Variants in MMP26 observed in about 807,000 individuals in gnomAD.
MMP26 encodes the protein matrix metallopeptidase 26, also known as matrix metalloproteinase-26.
Under a neutral mutation model 31.0 loss-of-function variants are expected in MMP26, and 33 were observed. The observed-to-expected ratio is 1.06, with a 90% confidence interval of 0.81 to 1.42. MMP26 has a LOEUF of 1.42. Ranked by LOEUF, MMP26 falls within the 40% of genes most tolerant of loss-of-function variation. The pLI is 0.00. For synonymous variants in MMP26, 122 were observed against 114.9 expected, an observed-to-expected ratio of 1.06 and a Z score of -0.40; for missense variants, 347 against 316.1, an observed-to-expected ratio of 1.10 and a Z score of -0.74.
chr11:4,921,949 G>A (rs904113932), intron 2 of MMP26, among the ~76,000 whole-genome samples: 6 of 152,250 alleles, frequency 3.9e-5, no homozygotes, highest in African/African-American at 1.2e-4. Context: ...ACCATCACCT[G>A]AGTAATGTGT....
intron 2 of MMP26, chr11:4,849,375 G>A (rs182808420): frequency 3.1e-5 from 20 of 651,486 alleles, no homozygotes; most frequent in East Asian, 5.4e-5. Flanking sequence ...CCCTGTGCAC[G>A]CACCCATCCT....
At chr11:4,908,642 C>T (rs1850944517) in intron 2 of MMP26, 1 of 359,412 alleles carries the variant, frequency 2.8e-6, no homozygotes, top group Non-Finnish European at 5.2e-6. Context: ...ATTAAAAATA[C>T]AGATGATATA....
intron 2 of MMP26, chr11:4,907,369 T>C: frequency 6.2e-7 from 1 of 1,601,268 alleles, no homozygotes; most frequent in Admixed American, 1.7e-5. Context: ...TCTCCCTCAT[T>C]ATGTCTGTTC....
chr11:4,730,351 A>G (rs1283347652), intron 1 of MMP26, among the ~76,000 whole-genome samples: 1 of 151,626 alleles, frequency 6.6e-6, no homozygotes, highest in East Asian at 1.9e-4. Flanking sequence ...CAGGATGCAG[A>G]GAAAGAATTT....
intron 1 of MMP26, among the ~76,000 whole-genome samples, chr11:4,743,024 C>T (rs1313532443): frequency 6.6e-6 from 1 of 152,012 alleles, no homozygotes; most frequent in East Asian, 1.9e-4. Flanking sequence ...TTAAAAGCTC[C>T]ATTATGCTAC....
chr11:4,904,435 A>C (rs1850852218), intron 2 of MMP26, among the ~76,000 whole-genome samples: 1 of 152,076 alleles, frequency 6.6e-6, no homozygotes, highest in Non-Finnish European at 1.5e-5. Context: ...CATCTACTAT[A>C]TTCCACCTCT....
At chr11:4,946,046 T>C (rs1846294148) in intron 2 of MMP26, 1 of 739,538 alleles carries the variant, frequency 1.4e-6, no homozygotes, top group Non-Finnish European at 2.0e-6. Context: ...AAAATAACTC[T>C]ATGACAACAA....
At chr11:4,946,642 C>G (rs745850756) in intron 2 of MMP26, 1 of 1,586,908 alleles carries the variant, frequency 6.3e-7, no homozygotes, top group Non-Finnish European at 8.6e-7. Flanking sequence ...GGAGCATGCT[C>G]TTAAAGGAGA....
intron 3 of MMP26, among the ~76,000 whole-genome samples, chr11:4,989,421 A>T (rs1383078049): frequency 6.6e-6 from 1 of 152,090 alleles, no homozygotes; most frequent in African/African-American, 2.4e-5. Context: ...AAAAAATGTT[A>T]TAGTTTATCC....
At chr11:4,743,852 C>T (rs1848345695) in intron 1 of MMP26, among the ~76,000 whole-genome samples, 1 of 152,154 alleles carries the variant, frequency 6.6e-6, no homozygotes, top group Admixed American at 6.5e-5. Flanking sequence ...GTCATCTAGG[C>T]TGGAGTGTAT....
chr11:4,966,007 C>T (rs932848008), intron 2 of MMP26, among the ~76,000 whole-genome samples: 4 of 152,006 alleles, frequency 2.6e-5, no homozygotes, highest in Non-Finnish European at 4.4e-5. Flanking sequence ...CCATGATTTG[C>T]CTTTTTATAA....
chr11:4,808,303 G>C (rs1849304966), intron 2 of MMP26, among the ~76,000 whole-genome samples: 1 of 152,076 alleles, frequency 6.6e-6, no homozygotes, highest in Admixed American at 6.6e-5. Context: ...TGCCCAGGTT[G>C]GGGAAAGCAG....
chr11:4,737,138 G>A (rs1848251753), intron 1 of MMP26: 1 of 152,174 alleles, frequency 6.6e-6, no homozygotes, highest in South Asian at 2.1e-4. Flanking sequence ...TGCAATAAAT[G>A]TCCTAGAATG....
At chr11:4,771,637 G>A (rs1848722221) in intron 2 of MMP26, among the ~76,000 whole-genome samples, 1 of 152,140 alleles carries the variant, frequency 6.6e-6, no homozygotes, top group South Asian at 2.1e-4. Context: ...TATAATGTTA[G>A]TATTTTTCAA....
chr11:4,723,102 G>C, intron 1 of MMP26: 2 of 1,514,782 alleles, frequency 1.3e-6, no homozygotes, highest in Non-Finnish European at 1.8e-6. Context: ...TGCTTGGCCC[G>C]CTGCAGGGCG....
At position 4,989,845 on chromosome 11, in the gene MMP26, G is replaced by C. The variant is rs756681005; in HGVS notation, c.297G>C (p.Trp99Cys). Residue 99 changes from tryptophan to cysteine, a missense_variant, in exon 4 of 8, where the codon TGG becomes TGC. Coordinates refer to ENST00000380390, the MANE Select transcript of MMP26 (RefSeq NM_021801.5). ...DTSISPGRCK[W>C]NKHTLTYRII... ...CCATCTCGCCAGGAAGATGCAAGTG[G>C]AATAAGCACACTCTAACTTACAGGT... 141 of 1,610,236 alleles carry C rather than the reference G, an allele frequency of 8.8e-5. No homozygotes were observed. The highest frequency in any genetic ancestry group is 1.2e-4 in the Non-Finnish European group (138 of 1,179,980).
intron 2 of MMP26, chr11:4,908,035 G>A: frequency 6.2e-7 from 1 of 1,614,108 alleles, no homozygotes; most frequent in Non-Finnish European, 8.5e-7. Flanking sequence ...TGATCTTGAA[G>A]ACTATACTCA....
chr11:4,899,326 A>C lies in MMP26; in HGVS notation c.-144-88742A>C, dbSNP rs555081601. Among the ~76,000 whole-genome samples, 4 of 152,298 alleles carry C rather than the reference A, an allele frequency of 2.6e-5. No homozygotes were observed. In the South Asian group the frequency reaches 8.3e-4, roughly 32 times the overall value. On this transcript the variant is annotated intron_variant, in intron 2 of 7. Transcript: ENST00000380390. ...GTTTGTGTTGTCTATTTGCCCAAGA[A>C]GAAGACACGATCATGAAAAGTTTGT... is the stretch of plus-strand genomic sequence containing the variant.
chr11:4,882,500 G>A lies in MMP26; in HGVS notation c.-144-105568G>A, dbSNP rs1327937246. 9 of 1,613,504 alleles carry A rather than the reference G, an allele frequency of 5.6e-6. No homozygotes were observed. In the African/African-American group the frequency reaches 1.2e-4, roughly 22 times the overall value. ...CAAACCTTGGATCAGCAGTTTTTGG[G>A]GACTGTTTCTTCAGCTCTACCTGAA... On this transcript the variant is annotated intron_variant, in intron 2 of 7. Transcript: ENST00000380390.
Sources: gnomAD v4.1 joint callset for allele counts (sites outside exome capture counted in the v4.1 genomes callset) on GRCh38, gnomAD v4.1.1 for gene constraint, MANE v1.5 for transcripts, NCBI Gene and HGNC (gene_info 2026-07-23, HGNC 2026-07-21) for gene names.